The following IL1RAPL2 variants were observed in gnomAD, a reference collection of about 807,000 sequenced individuals.
IL1RAPL2 encodes the protein interleukin 1 receptor accessory protein like 2.
Under a neutral mutation model 44.1 loss-of-function variants are expected in IL1RAPL2, and 3 were observed. The observed-to-expected ratio is 0.07, with a 90% CI of 0.03 to 0.18. The LOEUF is 0.18. IL1RAPL2 is among the 10% of genes least tolerant of loss of function. The probability of loss-of-function intolerance (pLI) is 1.00; values close to 1 mark genes in which losing one functional copy is unlikely to be tolerated. For missense variants in IL1RAPL2, 391 were observed against 496.4 expected (o/e 0.79, Z 2.02); for synonymous variants, 181 against 178.8 (o/e 1.01, Z -0.10).
chrX:105,450,536 G>C (rs975428158), intron 5 of IL1RAPL2, among the ~76,000 whole-genome samples: 3 of 111,432 alleles, frequency 2.7e-5, no homozygotes, highest in Non-Finnish European at 5.7e-5. Context: ...AATAAATTTA[G>C]ACTTTGCTTG....
chrX:105,724,443 A>G (rs770542603), intron 7 of IL1RAPL2, among the ~76,000 whole-genome samples: 30 of 110,262 alleles, frequency 2.7e-4, no homozygotes, highest in Non-Finnish European at 4.7e-4. Context: ...AAGCACTTAG[A>G]CCCCACTTTG....
intron 6 of IL1RAPL2, among the ~76,000 whole-genome samples, chrX:105,511,822 T>C (rs1158803800): frequency 1.8e-5 from 2 of 112,040 alleles, no homozygotes; most frequent in Non-Finnish European, 3.8e-5. Context: ...GAGACTCTGT[T>C]AATATCTAAT....
intron 2 of IL1RAPL2, among the ~76,000 whole-genome samples, chrX:104,946,280 G>T (rs1334599371): frequency 1.1e-5 from 1 of 95,001 alleles, no homozygotes; most frequent in Non-Finnish European, 2.1e-5. Flanking sequence ...GGCTGAGGCA[G>T]GAGAATGGCG....
intron 5 of IL1RAPL2, among the ~76,000 whole-genome samples, chrX:105,446,080 G>C (rs768906323): frequency 1.8e-5 from 2 of 111,520 alleles, no homozygotes; most frequent in East Asian, 5.6e-4. Context: ...CCAATGTCAA[G>C]TGCTTATATA....
chrX:105,388,703 C>G (rs2035499073), intron 5 of IL1RAPL2, among the ~76,000 whole-genome samples: 1 of 110,876 alleles, frequency 9.0e-6, no homozygotes. Flanking sequence ...TGAAATCACC[C>G]CATTAATTAG....
At chrX:104,798,443 G>T (rs1378996970) in intron 2 of IL1RAPL2, among the ~76,000 whole-genome samples, 1 of 108,842 alleles carries the variant, frequency 9.2e-6, no homozygotes, top group Admixed American at 9.9e-5. Flanking sequence ...CGGATCACAA[G>T]GTCAGGAGAT....
chrX:105,338,989 G>A (rs1040422164), intron 5 of IL1RAPL2, among the ~76,000 whole-genome samples: 1 of 111,315 alleles, frequency 9.0e-6, no homozygotes, highest in African/African-American at 3.3e-5. Flanking sequence ...TGTAATCCCA[G>A]CTACTCGGGA....
intron 5 of IL1RAPL2, among the ~76,000 whole-genome samples, chrX:105,331,495 A>G (rs906033384): frequency 2.1e-4 from 24 of 111,641 alleles, no homozygotes; most frequent in African/African-American, 7.2e-4. Context: ...AAAGTAACCA[A>G]AGCTTTCCCA....
At chrX:104,638,358 A>G (rs184417387) in intron 1 of IL1RAPL2, among the ~76,000 whole-genome samples, 39 of 110,411 alleles carry the variant, frequency 3.5e-4, no homozygotes, top group African/African-American at 1.2e-3. Context: ...TTTAGTCTCT[A>G]TTTCATTTAG....
At chrX:105,670,786 C>A (rs1232722444) in intron 6 of IL1RAPL2, among the ~76,000 whole-genome samples, 1 of 108,329 alleles carries the variant, frequency 9.2e-6, no homozygotes, top group African/African-American at 3.4e-5. Flanking sequence ...TTTTGACATA[C>A]AAGTCCAGCA....
At chrX:104,597,484 G>A (rs1928789420) in intron 1 of IL1RAPL2, among the ~76,000 whole-genome samples, 1 of 111,885 alleles carries the variant, frequency 8.9e-6, no homozygotes, top group African/African-American at 3.2e-5. Flanking sequence ...ATTGAGAAAA[G>A]TATGGTTCTC....
chrX:104,826,630 G>A (rs1555998312), intron 2 of IL1RAPL2, among the ~76,000 whole-genome samples: 2 of 111,407 alleles, frequency 1.8e-5, no homozygotes, highest in South Asian at 7.6e-4. Context: ...TATTAGGTCG[G>A]CTTGGTCCAG....
chrX:104,594,973 G>A (rs2036732359), intron 1 of IL1RAPL2, among the ~76,000 whole-genome samples: 1 of 111,909 alleles, frequency 8.9e-6, no homozygotes, highest in African/African-American at 3.2e-5. Context: ...GGCATGTTGA[G>A]GCACTTAGAG....
At chrX:105,586,896 A>G (rs2037133352) in intron 6 of IL1RAPL2, among the ~76,000 whole-genome samples, 1 of 111,943 alleles carries the variant, frequency 8.9e-6, no homozygotes. Context: ...GCCTCCTCAA[A>G]TTCTGAATTC....
intron 2 of IL1RAPL2, among the ~76,000 whole-genome samples, chrX:104,907,744 A>T (rs1924065836): frequency 9.1e-6 from 1 of 110,304 alleles, no homozygotes; most frequent in African/African-American, 3.3e-5. Context: ...ATTTTGGAAT[A>T]GGTGTGGTGT....
chrX:104,813,834 G>A (rs1454517158), intron 2 of IL1RAPL2, among the ~76,000 whole-genome samples: 2 of 111,819 alleles, frequency 1.8e-5, no homozygotes, highest in East Asian at 5.6e-4. Flanking sequence ...CTGCAGCTGT[G>A]TCTTCATGCC....
intron 2 of IL1RAPL2, among the ~76,000 whole-genome samples, chrX:104,714,251 A>G (rs771315341): frequency 9.0e-6 from 1 of 110,781 alleles, no homozygotes; most frequent in Non-Finnish European, 1.9e-5. Flanking sequence ...TTGGCTGTGG[A>G]TTTGTTATAT....
At chrX:105,335,442 G>A (rs1037526382) in intron 5 of IL1RAPL2, among the ~76,000 whole-genome samples, 2 of 110,952 alleles carry the variant, frequency 1.8e-5, no homozygotes, top group African/African-American at 6.5e-5. Flanking sequence ...GTGAGTCCTC[G>A]GTTCAGATGA....
chrX:105,018,542 A>G (rs2031226500), intron 2 of IL1RAPL2, among the ~76,000 whole-genome samples: 1 of 111,538 alleles, frequency 9.0e-6, no homozygotes, highest in African/African-American at 3.3e-5. Context: ...TTTCATATCC[A>G]TAAACCAAAC....
Sources: allele counts gnomAD v4.1 joint callset (sites outside exome capture counted in the v4.1 genomes callset), GRCh38; gene constraint gnomAD v4.1.1; transcripts MANE v1.5; gene names NCBI Gene and HGNC (gene_info 2026-07-23, HGNC 2026-07-21).